Variants in PKD1L1 observed in about 807,000 individuals in gnomAD.
PKD1L1 encodes the protein polycystin 1 like 1, transient receptor potential channel interacting, also known as polycystin-1-like protein 1.
Under a neutral mutation model 323.4 loss-of-function variants are expected in PKD1L1, and 236 were observed. The observed-to-expected ratio is 0.73, with a 90% CI of 0.66 to 0.81. The LOEUF is 0.81. Ranked by LOEUF, PKD1L1 falls within the 40% of genes least tolerant of loss-of-function variation. PKD1L1 has a pLI of 0.00. For missense variants in PKD1L1, 3,320 were observed against 3,508.0 expected (o/e 0.95, Z 1.35); for synonymous variants, 1,344 against 1,335.0 (o/e 1.01, Z -0.15).
At chr7:47,959,163 G>A in the PKD1L1 span, among the ~76,000 whole-genome samples, 6 of 151,898 alleles carry the variant, frequency 4.0e-5, no homozygotes, top group South Asian at 2.1e-4. Flanking sequence ...GCGTGATCTC[G>A]GCTCGCTACA....
At chr7:47,937,011 T>C (rs139084604) in intron 3 of PKD1L1, 53 bp from the exon 4 acceptor site, 20,220 of 1,381,106 alleles carry the variant, frequency 0.015, 240 homozygotes, top group Non-Finnish European at 0.015. Flanking sequence ...GAAAACCCAG[T>C]ACATTTGGGA....
chr7:47,830,384 CAG>C (rs1473107132), intron 42 of PKD1L1, among the ~76,000 whole-genome samples: 1 of 152,182 alleles, frequency 6.6e-6, no homozygotes, highest in Non-Finnish European at 1.5e-5. Context: ...GCAGATGAAA[CAG>C]AGCACAGAGA....
intron 36 of PKD1L1, among the ~76,000 whole-genome samples, chr7:47,838,083 C>T (rs945055701): frequency 2.6e-5 from 4 of 152,224 alleles, no homozygotes; most frequent in African/African-American, 9.6e-5. Context: ...GCCAAACAGT[C>T]ATTCTCACAT....
In PKD1L1 at chr7:47,829,476, G is replaced by T. The variant is rs1222399554; in HGVS notation, c.6684C>A (p.Leu2228=). The change falls in exon 44 of 57, where the codon CTC becomes CTA. Residue 2228 remains leucine, a synonymous_variant. Transcript: ENST00000289672. The part of the protein sequence containing the change: ...SELAERSWTR[L]PFSSSCSIPD... The stretch of plus-strand genomic sequence containing the variant: ...GAATACTGCAGCTTGAAGAGAAGGG[G>T]AGGCGAGTCCAGGAACGTTCTGCCA... The T allele has an allele frequency of 2.5e-6, 4 of 1,614,028 alleles. No individual in the cohort carries two copies. Among genetic ancestry groups the T allele is most frequent in the Admixed American group, 1.7e-5 (1 of 59,996 alleles).
chr7:47,948,710 C>A (rs766061359), upstream of PKD1L1, among the ~76,000 whole-genome samples: 29 of 152,146 alleles, frequency 1.9e-4, no homozygotes, highest in Non-Finnish European at 3.1e-4. Context: ...GTAATCCCAG[C>A]AATTTGGGAG....
At chr7:47,831,999 C>T (rs950770196) in intron 41 of PKD1L1, among the ~76,000 whole-genome samples, 1 of 152,220 alleles carries the variant, frequency 6.6e-6, no homozygotes, top group Non-Finnish European at 1.5e-5. Flanking sequence ...CCATACAGCT[C>T]TTCATACCTC....
Position 47,802,191 on chromosome 7 carries a change from C to CA in PKD1L1, c.7962+1018dup, listed in dbSNP as rs5884026. On this transcript the variant is annotated intron_variant, in intron 53 of 56. Coordinates refer to ENST00000289672, the MANE Select transcript of PKD1L1 (RefSeq NM_138295.5). ...TGGGTGACAGAGCGAGACTCTATCTCAAAAAAAAAAAAAAAAAAAGCAGTT... is the reference window on the plus strand; with the variant it reads ...TGGGTGACAGAGCGAGACTCTATCTCAAAAAAAAAAAAAAAAAAAAGCAGTT... Among the ~76,000 whole-genome samples, 552 of 105,834 alleles carry CA rather than the reference C, an allele frequency of 5.2e-3. 1 individual carries two copies. The highest frequency in any genetic ancestry group is 0.012 in the African/African-American group (362 of 29,130). The allele number at this position is 105,834 out of a possible 152,430, so 69.4% of individuals were successfully genotyped here. A position where few individuals can be genotyped will look rare whatever the true frequency, so the allele number is the denominator to read the frequency against.
intron 13 of PKD1L1, 47 bp from the exon 14 acceptor site, chr7:47,898,241 C>T (rs1451811113): frequency 1.4e-6 from 2 of 1,464,516 alleles, no homozygotes; most frequent in African/African-American, 2.8e-5. Context: ...TCCATCACAT[C>T]TAATGTACTG....
At chr7:47,864,576 T>TTTTTTC (rs1786107004) in intron 26 of PKD1L1, among the ~76,000 whole-genome samples, 1 of 107,520 alleles carries the variant, frequency 9.3e-6, no homozygotes, top group Non-Finnish European at 1.9e-5. Flanking sequence ...TTTTTCTTTC[T>TTTTTTC]TTTCTTTCTT....
chr7:47,884,531 C>T, intron 19 of PKD1L1, 67 bp downstream of exon 19: 8 of 1,425,222 alleles, frequency 5.6e-6, no homozygotes, highest in Non-Finnish European at 7.9e-6. Context: ...GTGGGAAATC[C>T]AGATTGCAGA....
rs781123916 is a variant in PKD1L1, at chr7:47,890,700, T to A, written c.2517A>T (p.Ala839=). 9 of 1,613,678 alleles carry A rather than the reference T, an allele frequency of 5.6e-6. No homozygotes were observed. The South Asian group carries it at 8.8e-5, about 16-fold the overall frequency. The change falls in exon 16 of 57, where the codon GCA becomes GCT. Residue 839 remains alanine (A), a synonymous_variant. Transcript: ENST00000289672. ...TGGGAGCCGCGGCATCCAGTTGGTG[T>A]GCAGTGGAGGAGTCGAAGCAGGGAT... ...PAHPCFDSST[A]HQLDAAAPTV... is the part of the protein sequence containing the mutation.
At chr7:47,937,533 G>A (rs1383278319) in intron 3 of PKD1L1, among the ~76,000 whole-genome samples, 2 of 152,156 alleles carry the variant, frequency 1.3e-5, no homozygotes, top group Admixed American at 6.5e-5. Context: ...AGGGTTCTGA[G>A]CACAAGAGTG....
Position 47,787,722 on chromosome 7 carries a change from T to C in PKD1L1, c.8526+4905A>G, listed in dbSNP as rs1786840594. Among the ~76,000 whole-genome samples, 3 of 152,128 alleles carry C rather than the reference T, an allele frequency of 2.0e-5. No homozygotes were observed. The South Asian group carries it at 6.2e-4, about 32-fold the overall frequency. ...GCTGTGGTGGGACTTTGTTTTCATT[T>C]GCTTTTTGAGACAGGTTTTCACTCT... On this transcript the variant is annotated intron_variant, in intron 56 of 56. Transcript: ENST00000289672.
chr7:47,789,389 A>G (rs1354730493), intron 56 of PKD1L1, among the ~76,000 whole-genome samples: 1 of 152,238 alleles, frequency 6.6e-6, no homozygotes, highest in Non-Finnish European at 1.5e-5. Context: ...TTTATTTTGT[A>G]TATGAATTGT....
Position 47,796,113 on chromosome 7 carries a change from T to G in PKD1L1, c.8231A>C (p.Lys2744Thr). 1 of 1,609,282 alleles carries G rather than the reference T, an allele frequency of 6.2e-7. No homozygotes were observed. The highest frequency in any genetic ancestry group is 8.5e-7 in the Non-Finnish European group (1 of 1,178,224). The change falls in exon 55 of 57, where the codon AAA becomes ACA. Residue 2744 changes from lysine (K) to threonine (T), a missense_variant. By Grantham distance (78) the Lys-to-Thr change is moderately conservative. Coordinates refer to ENST00000289672, the MANE Select transcript of PKD1L1 (RefSeq NM_138295.5). ...GFLMTLPQKR[K>T]SFQSKSFVRL... ...CACAAAAGATTTACTTTGAAAAGAT[T>G]TTCTTTTTTGGGGTAAAGTCATGAG...
At chr7:47,781,489 A>C (rs1316868379) in intron 56 of PKD1L1, among the ~76,000 whole-genome samples, 1 of 149,984 alleles carries the variant, frequency 6.7e-6, no homozygotes, top group Non-Finnish European at 1.5e-5. Flanking sequence ...GCTCACTGCA[A>C]GCTCCGCCTC....
intron 56 of PKD1L1, among the ~76,000 whole-genome samples, chr7:47,777,713 A>G (rs1242352280): frequency 6.6e-6 from 1 of 152,198 alleles, no homozygotes; most frequent in Non-Finnish European, 1.5e-5. Flanking sequence ...GATTCCTCAG[A>G]GCAAAACAGG....
intron 4 of PKD1L1, among the ~76,000 whole-genome samples, chr7:47,934,386 T>C (rs919868497): frequency 1.3e-5 from 2 of 152,196 alleles, no homozygotes; most frequent in African/African-American, 4.8e-5. Flanking sequence ...TGCTGTCCAC[T>C]CTGTCAGATG....
chr7:47,867,989 CTCT>C, intron 24 of PKD1L1, among the ~76,000 whole-genome samples: 1 of 152,304 alleles, frequency 6.6e-6, no homozygotes, highest in African/African-American at 2.4e-5. Flanking sequence ...ATCTTTTTCT[CTCT>C]TCTTATTTAA....
Sources: gnomAD v4.1 joint callset for allele counts (sites outside exome capture counted in the v4.1 genomes callset) on GRCh38, gnomAD v4.1.1 for gene constraint, MANE v1.5 for transcripts, NCBI Gene and HGNC (gene_info 2026-07-23, HGNC 2026-07-21) for gene names.